CES3: variants seen among roughly 807,000 people sequenced by gnomAD.
The protein encoded by CES3 is carboxylesterase 3 (brain).
Under a neutral mutation model 57.6 loss-of-function variants are expected in CES3, and 49 were observed. The ratio of observed to expected loss-of-function variants is 0.85; its 90% CI spans 0.68 to 1.08. CES3 has a LOEUF of 1.08. CES3 is among the 50% of genes least tolerant of loss of function. CES3 has a pLI of 0.00. For missense variants in CES3, 645 were observed against 742.0 expected (o/e 0.87, Z 1.52); for synonymous variants, 266 against 281.6 (o/e 0.94, Z 0.55).
Position 66,972,356 on chromosome 16 carries a change from A to G in CES3, c.1292A>G (p.Asp431Gly). 1 of 1,591,944 alleles carries G rather than the reference A, an allele frequency of 6.3e-7. No homozygotes were observed. The highest frequency in any genetic ancestry group is 8.6e-7 in the Non-Finnish European group (1 of 1,168,500). ...CTCCCATCCCATCCTTTCTCTGTAG[A>G]TTCTGGAAGCCCTGTCTTTTTCTAT... Reference protein sequence around the residue: ...PTVSFSRYLRDSGSPVFFYEF... With the variant: ...PTVSFSRYLRGSGSPVFFYEF... Residue 431 changes from aspartate to glycine, a missense_variant and splice_region_variant, in exon 11 of 13, where the codon GAT becomes GGT. Transcript: ENST00000303334.
chr16:66,964,081 G>A, intron 4 of CES3, 146 bp downstream of exon 4: 2 of 1,286,660 alleles, frequency 1.6e-6, no homozygotes, highest in Non-Finnish European at 2.1e-6. Context: ...CACCCCCCAA[G>A]CCTCCACCCT....
rs1963878481 is a variant in CES3, at chr16:66,973,396, C to T, written c.*347C>T. On this transcript the variant is annotated 3_prime_UTR_variant, in exon 13 of 13. Coordinates refer to ENST00000303334, the MANE Select transcript of CES3 (RefSeq NM_024922.6). The stretch of plus-strand genomic sequence containing the variant: ...GAGTCTGCGTCCATTAGAGCACAGT[C>T]CACCCGAGGCTAGCACCGTGTCTGT... The T allele has an allele frequency of 4.4e-6, 1 of 225,432 alleles. No homozygotes were observed. Among genetic ancestry groups the T allele is most frequent in the Admixed American group, 5.1e-5 (1 of 19,618 alleles). 14.0% of individuals were successfully genotyped at this position (225,432 alleles called of 1,614,324 possible).
In CES3 at chr16:66,963,944, A is replaced by G. The variant is rs1204974976; in HGVS notation, c.560+9A>G. 1 of 1,611,290 alleles carries G rather than the reference A, an allele frequency of 6.2e-7. No homozygotes were observed. The highest frequency in any genetic ancestry group is 1.3e-5 in the African/African-American group (1 of 74,966). Reference sequence around the variant, plus strand: ...GTCCTTGGCTTCTTCAGGTGAGACGACAGGCATGGCCAGAGCACTGCCTGC... The same window carrying G: ...GTCCTTGGCTTCTTCAGGTGAGACGGCAGGCATGGCCAGAGCACTGCCTGC... On this transcript the variant is annotated intron_variant, in intron 4 of 12. Transcript: ENST00000303334. The surrounding 1 kb of genome is among the most constrained non-coding windows in gnomAD (Gnocchi z 4.9).
chr16:66,969,028 C>T (rs951556023), intron 8 of CES3, among the ~76,000 whole-genome samples: 3 of 152,266 alleles, frequency 2.0e-5, no homozygotes, highest in African/African-American at 7.2e-5. Context: ...GAACCCCAAC[C>T]TGGCTGTGCC....
rs1963795907 is a variant in CES3, at chr16:66,969,682, T to TG, written c.1070dup (p.Leu358SerfsTer29). 1 of 1,613,042 alleles carries TG rather than the reference T, an allele frequency of 6.2e-7. No homozygotes were observed. The highest frequency in any genetic ancestry group is 8.5e-7 in the Non-Finnish European group (1 of 1,179,618). ...GAGGGCCTTGGTGTCCACACAGGGC[T>TG]GGGGTCTCCTGGATACAATGGAGCA... is the stretch of plus-strand genomic sequence containing the variant. On this transcript the variant is annotated frameshift_variant, in exon 9 of 13. Transcript: ENST00000303334. LOFTEE classifies it high-confidence loss of function.
chr16:66,964,003 G>T, intron 4 of CES3, 68 bp downstream of exon 4: 1 of 1,583,958 alleles, frequency 6.3e-7, no homozygotes. Context: ...GAGCAACTGG[G>T]GATCTAGGTT....
Position 66,973,044 on chromosome 16 carries a change from C to G in CES3, c.1711C>G (p.Leu571Val), listed in dbSNP as rs1963870256. The change falls in exon 13 of 13, where the codon CTC becomes GTC. Residue 571 changes from leucine to valine, a missense_variant. Transcript: ENST00000303334. The stretch of plus-strand genomic sequence containing the variant: ...GAAGAACAGGAAGGCCCAGGAGGAC[C>G]TCTGAGGCCAGGCCTGAACCTTCTT... ...KQKNRKAQED[L>V] The G allele has an allele frequency of 6.2e-7, 1 of 1,613,438 alleles. No homozygotes were observed. Among genetic ancestry groups the G allele is most frequent in the Non-Finnish European group, 8.5e-7 (1 of 1,179,802 alleles).
rs755691546 is a variant in CES3, at chr16:66,963,504, G to A, written c.301G>A (p.Val101Met). ...STAPPMCLQD[V>M]ESMNSSRFVL... ...CCTTGGCCACAGGTGCCTACAAGAC[G>A]TGGAGAGCATGAACAGCAGCAGATT... Residue 101 changes from valine to methionine, a missense_variant, in exon 3 of 13, where the codon GTG becomes ATG. By Grantham distance (21) the Val-to-Met change is conservative (BLOSUM62 1). Coordinates refer to ENST00000303334, the MANE Select transcript of CES3 (RefSeq NM_024922.6). The surrounding 1 kb of genome is among the most constrained non-coding windows in gnomAD (Gnocchi z 4.9). 1.2e-5 allele frequency: 19 copies of A among 1,613,664 alleles called. No individual in the cohort carries two copies. The highest frequency in any genetic ancestry group is 4.4e-5 in the South Asian group (4 of 91,074).
At position 66,975,022 on chromosome 16, in the gene CES3, T is replaced by C. The variant is rs1030799694; in HGVS notation, c.*1973T>C. On this transcript the variant is annotated 3_prime_UTR_variant, in exon 13 of 13. Coordinates refer to ENST00000303334, the MANE Select transcript of CES3 (RefSeq NM_024922.6). ...GTAAAATGGACCAATCAGCAGGATG[T>C]GGGTGGGGCGAGACAAGAGAATAAA... is the stretch of plus-strand genomic sequence containing the variant. 2.0e-5 allele frequency: 3 copies of C among 152,174 alleles called. No homozygotes were observed. Among genetic ancestry groups the C allele is most frequent in the Non-Finnish European group, 2.9e-5 (2 of 68,034 alleles). The allele number at this position is 152,174 out of a possible 1,614,324, so 9.4% of individuals were successfully genotyped here.
intron 7 of CES3, 125 bp from the exon 8 acceptor site, chr16:66,966,600 A>T: frequency 7.9e-7 from 1 of 1,260,324 alleles, no homozygotes; most frequent in Non-Finnish European, 1.1e-6. Flanking sequence ...AACCCTGGTG[A>T]TCTTCATCCC....
In CES3 at chr16:66,973,033, C is replaced by T. The variant is rs768191392; in HGVS notation, c.1700C>T (p.Ala567Val). ...CACCAGAAGCAGAAGAACAGGAAGG[C>T]CCAGGAGGACCTCTGAGGCCAGGCC... ...QWHQKQKNRK[A>V]QEDL The change falls in exon 13 of 13, where the codon GCC becomes GTC. Residue 567 changes from alanine to valine, a missense_variant. Physicochemically the swap from Ala to Val is moderately conservative, Grantham distance 64 (BLOSUM62 0). Coordinates refer to ENST00000303334, the MANE Select transcript of CES3 (RefSeq NM_024922.6). 6.2e-7 allele frequency: 1 copy of T among 1,613,818 alleles called. No homozygotes were observed. The highest frequency in any genetic ancestry group is 1.1e-5 in the South Asian group (1 of 91,072).
rs71649603 is a variant in CES3 at position 66,970,072 on chromosome 16, T to G, written c.1143+313T>G. On this transcript the variant is annotated intron_variant, in intron 9 of 12. Coordinates refer to ENST00000303334, the MANE Select transcript of CES3 (RefSeq NM_024922.6). ...GAGAGGGTTTCATCTCCTTCAATCC[T>G]CACTGCAACTCTGTTTTCTTTTCTT... Among the ~76,000 whole-genome samples the G allele has an allele frequency of 5.4e-3, 821 of 151,520 alleles. 4 individuals are homozygous for G. The highest frequency in any genetic ancestry group is 9.5e-3 in the Non-Finnish European group (646 of 67,886).
rs746873961 is a variant in CES3 at position 66,972,925 on chromosome 16, C to A, written c.1592C>A (p.Pro531Gln). ...NQAEQYLEIN[P>Q]VPRAGQKFRE... ...GCGGAACAATATCTGGAGATCAACC[C>A]AGTGCCACGGGCCGGACAGAAGTTC... Residue 531 changes from proline to glutamine, a missense_variant, in exon 13 of 13, where the codon CCA becomes CAA. Transcript: ENST00000303334. The A allele has an allele frequency of 6.2e-7, 1 of 1,614,180 alleles. No homozygotes were observed. The highest frequency in any genetic ancestry group is 8.5e-7 in the Non-Finnish European group (1 of 1,180,030).
chr16:66,971,805 C>A (rs531935430), intron 10 of CES3, among the ~76,000 whole-genome samples: 236 of 152,254 alleles, frequency 1.6e-3, no homozygotes, highest in Admixed American at 3.7e-3. Flanking sequence ...TCTATTAATT[C>A]TATTAATACA....
At chr16:66,969,617 G>A in intron 8 of CES3, 62 bp from the exon 9 acceptor site, 1 of 1,521,454 alleles carries the variant, frequency 6.6e-7, no homozygotes, top group Non-Finnish European at 9.0e-7. Flanking sequence ...TCTTGCCCAG[G>A]GCTGGGAGTC....
intron 7 of CES3, 61 bp downstream of exon 7, chr16:66,966,406 C>G (rs990232779): frequency 6.6e-7 from 1 of 1,515,946 alleles, no homozygotes; most frequent in Admixed American, 1.8e-5. Flanking sequence ...CTATCCATCC[C>G]CTGCAGGAGC....
intron 9 of CES3, among the ~76,000 whole-genome samples, chr16:66,970,073 C>T (rs952536498): frequency 7.9e-5 from 12 of 151,732 alleles, no homozygotes; most frequent in African/African-American, 2.9e-4. Context: ...CTTCAATCCT[C>T]ACTGCAACTC....
rs1355171878 is a variant in CES3 at position 66,966,828 on chromosome 16, G to A, written c.1025G>A (p.Gly342Asp). ...KPFHSVPFLM[G>D]VNNHEFSWLI... ...TTCCACTCTGTGCCCTTCCTCATGG[G>A]TGTCAACAACCATGAGTTCAGCTGG... is the stretch of plus-strand genomic sequence containing the variant. Residue 342 changes from glycine (G) to aspartate (D), a missense_variant, in exon 8 of 13, where the codon GGT becomes GAT. Transcript: ENST00000303334. The A allele has an allele frequency of 6.2e-7, 1 of 1,614,050 alleles. No individual in the cohort carries two copies. Among genetic ancestry groups the A allele is most frequent in the Admixed American group, 1.7e-5 (1 of 59,998 alleles).
rs71647895 is a variant in CES3 at position 66,964,486 on chromosome 16, C to T, written c.690C>T (p.Ala230=). 1.5e-4 allele frequency: 236 copies of T among 1,613,936 alleles called. 1 individual carries two copies. The Admixed American group carries it at 3.6e-3, about 25-fold the overall frequency. The part of the protein sequence containing the change: ...LNCVTVFGGS[A]GGSIISGLVL... ...GTGTCACTGTCTTTGGTGGATCTGCCGGTGGGAGCATCATCTCTGGCCTGG... is the reference window on the plus strand; with the variant it reads ...GTGTCACTGTCTTTGGTGGATCTGCTGGTGGGAGCATCATCTCTGGCCTGG... Residue 230 remains alanine, a synonymous_variant, in exon 5 of 13, where the codon GCC becomes GCT. Coordinates refer to ENST00000303334, the MANE Select transcript of CES3 (RefSeq NM_024922.6).
Sources: gnomAD v4.1 joint callset for allele counts (sites outside exome capture counted in the v4.1 genomes callset) on GRCh38, gnomAD v4.1.1 for gene constraint, Gnocchi (gnomAD v3.1) non-coding constraint, MANE v1.5 for transcripts, NCBI Gene and HGNC (gene_info 2026-07-23, HGNC 2026-07-21) for gene names.